RBP7: variants seen among roughly 807,000 people sequenced by gnomAD.
RBP7 encodes the protein retinoid-binding protein 7.
RBP7 carries 13 observed loss-of-function variants against 16.7 expected under a neutral mutation model. That is an observed-to-expected ratio of 0.78 (90% CI 0.51 to 1.24). RBP7 has a LOEUF of 1.24. RBP7 is among the 50% of genes most tolerant of loss of function. RBP7 has a pLI of 0.00. For missense variants in RBP7, 145 were observed against 159.5 expected (o/e 0.91, Z 0.49); for synonymous variants, 54 against 56.2 (o/e 0.96, Z 0.17).
At position 9,997,246 on chromosome 1, in the gene RBP7, G is replaced by C; in HGVS notation, c.-13G>C. On this transcript the variant is annotated 5_prime_UTR_variant, in exon 1 of 4. Coordinates refer to ENST00000294435, the MANE Select transcript of RBP7 (RefSeq NM_052960.3). The surrounding 1 kb of genome is among the most constrained non-coding windows in gnomAD (Gnocchi z 5.9). ...TCCGGCCGCCCGCCGGGTTTGTCCCGCGATCCCCGACCATGCCCGCCGACC... is the reference window on the plus strand; with the variant it reads ...TCCGGCCGCCCGCCGGGTTTGTCCCCCGATCCCCGACCATGCCCGCCGACC... The C allele has an allele frequency of 1.3e-5, 19 of 1,432,518 alleles. No individual in the cohort carries two copies. The highest frequency in any genetic ancestry group is 1.8e-5 in the Non-Finnish European group (19 of 1,069,908). The allele number at this position is 1,432,518 out of a possible 1,614,324, so 88.7% of individuals were successfully genotyped here. A position where few individuals can be genotyped will look rare whatever the true frequency, so the allele number is the denominator to read the frequency against.
intron 3 of RBP7, among the ~76,000 whole-genome samples, chr1:10,014,673 G>A (rs951955430): frequency 1.1e-4 from 16 of 151,948 alleles, no homozygotes; most frequent in Non-Finnish European, 2.2e-4. Flanking sequence ...AGGCATGTGC[G>A]CCCGGCCCCA....
At chr1:9,998,407 C>CTTTCTT (rs1553129444) in intron 1 of RBP7, among the ~76,000 whole-genome samples, 174 of 121,520 alleles carry the variant, frequency 1.4e-3, no homozygotes, top group East Asian at 2.9e-3. Flanking sequence ...TTCTTTCTTT[C>CTTTCTT]TTTTTTTTTT....
At chr1:10,014,147 A>G (rs765775840) in intron 3 of RBP7, among the ~76,000 whole-genome samples, 26 of 152,252 alleles carry the variant, frequency 1.7e-4, no homozygotes, top group Non-Finnish European at 3.2e-4. Flanking sequence ...CCCTGAGGGA[A>G]GAGGGGCTGG....
Position 9,997,777 on chromosome 1 carries a change from G to A in RBP7, c.73+446G>A, listed in dbSNP as rs916471453. Among the ~76,000 whole-genome samples the A allele has an allele frequency of 2.0e-5, 3 of 151,968 alleles. No individual in the cohort carries two copies. Among genetic ancestry groups the A allele is most frequent in the African/African-American group, 4.8e-5 (2 of 41,432 alleles). On this transcript the variant is annotated intron_variant, in intron 1 of 3. Transcript: ENST00000294435. This position sits in a 1 kb window ranked among gnomAD's most constrained non-coding sequence, Gnocchi z 5.9. ...AAGCCTCTGCCCGGCCACCCTCCCCGCAGCCGCCTTCCGTGCAGGCCCCGG... is the reference window on the plus strand; with the variant it reads ...AAGCCTCTGCCCGGCCACCCTCCCCACAGCCGCCTTCCGTGCAGGCCCCGG...
rs1434400446 is a variant in RBP7, at chr1:10,015,825, G to A, written c.398G>A (p.Arg133Lys). 1.2e-6 allele frequency: 2 copies of A among 1,613,948 alleles called. No homozygotes were observed. The highest frequency in any genetic ancestry group is 3.3e-5 in the Admixed American group (2 of 59,974). Residue 133 changes from arginine (R) to lysine (K), a missense_variant, in exon 4 of 4, where the codon AGA (arginine) becomes AAA (lysine). By Grantham distance (26) the Arg-to-Lys change is conservative. Transcript: ENST00000294435. ...CAAGTGTGCAAACAGACATTCCAGA[G>A]AGCCTGATCCACATCCAGCAGCAGA... ...EGQVCKQTFQ[R>K]A
chr1:10,014,958 A>G (rs1337355042), intron 3 of RBP7, among the ~76,000 whole-genome samples: 3 of 152,176 alleles, frequency 2.0e-5, no homozygotes, highest in Non-Finnish European at 4.4e-5. Context: ...CTTACTGGAC[A>G]CTTGGTTGGT....
chr1:10,007,589 TA>T lies in RBP7; in HGVS notation c.97del (p.Ile33Ter). On this transcript the variant is annotated frameshift_variant, in exon 2 of 4. Transcript: ENST00000294435. LOFTEE classifies it high-confidence loss of function. ...TTTAAGGTATTGACTTTGCCACTCGTAAAATAGCCAAGTTGCTGAAGCCACA... is the reference window on the plus strand; with the variant it reads ...TTTAAGGTATTGACTTTGCCACTCGTAAATAGCCAAGTTGCTGAAGCCACA... The part of the protein sequence containing the change: ...LALGIDFATR[K>X]IAKLLKPQKV... 6.2e-7 allele frequency: 1 copy of T among 1,610,264 alleles called. No individual in the cohort carries two copies. The highest frequency in any genetic ancestry group is 1.1e-5 in the South Asian group (1 of 89,888).
At chr1:10,012,152 G>A (rs1359152813) in intron 3 of RBP7, among the ~76,000 whole-genome samples, 4 of 149,760 alleles carry the variant, frequency 2.7e-5, no homozygotes, top group Admixed American at 2.0e-4. Flanking sequence ...AGGAGGTTAC[G>A]GTGAGCCGAG....
chr1:10,014,343 G>A (rs757937457), intron 3 of RBP7, among the ~76,000 whole-genome samples: 18 of 151,636 alleles, frequency 1.2e-4, no homozygotes, highest in African/African-American at 3.1e-4. Context: ...TGCCCTATGC[G>A]TCTCTTCCAT....
intron 1 of RBP7, among the ~76,000 whole-genome samples, chr1:10,001,484 T>C (rs1472953119): frequency 6.6e-6 from 1 of 152,090 alleles, no homozygotes; most frequent in Non-Finnish European, 1.5e-5. Context: ...TTTTCAATTT[T>C]TTTGTAGAGA....
intron 3 of RBP7, among the ~76,000 whole-genome samples, chr1:10,013,603 G>A (rs1235981533): frequency 2.0e-5 from 3 of 152,046 alleles, no homozygotes; most frequent in African/African-American, 7.2e-5. Context: ...GACGTTAGGA[G>A]TTGGAAACTA....
intron 1 of RBP7, among the ~76,000 whole-genome samples, chr1:10,002,011 A>G (rs149235547): frequency 1.1e-3 from 166 of 151,906 alleles, no homozygotes; most frequent in African/African-American, 3.5e-3. Flanking sequence ...TATTTTTAGT[A>G]CAGACAGGGT....
At chr1:10,005,127 C>T (rs931085490) in intron 1 of RBP7, among the ~76,000 whole-genome samples, 1 of 152,188 alleles carries the variant, frequency 6.6e-6, no homozygotes, top group Non-Finnish European at 1.5e-5. Context: ...GATTTAAACA[C>T]ACACACACAA....
intron 1 of RBP7, among the ~76,000 whole-genome samples, chr1:9,999,814 CTTTTTTTTT>C (rs70998341): frequency 0.35 from 37,058 of 106,434 alleles, 6,679 homozygotes; most frequent in African/African-American, 0.54. Context: ...CTGTAATACT[CTTTTTTTTT>C]TTTTTTTTTT....
Position 9,997,275 on chromosome 1 carries a change from G to A in RBP7, c.17G>A (p.Ser6Asn). 6.2e-7 allele frequency: 1 copy of A among 1,600,758 alleles called. No homozygotes were observed. Among genetic ancestry groups the A allele is most frequent in the Non-Finnish European group, 8.5e-7 (1 of 1,172,838 alleles). MPADL[S>N]GTWTLLSSDN... ...TCCCCGACCATGCCCGCCGACCTCA[G>A]CGGTACTTGGACCCTGCTCAGCAGC... Residue 6 changes from serine to asparagine, a missense_variant, in exon 1 of 4, where the codon AGC becomes AAC. Coordinates refer to ENST00000294435, the MANE Select transcript of RBP7 (RefSeq NM_052960.3). The surrounding 1 kb of genome is among the most constrained non-coding windows in gnomAD (Gnocchi z 5.9).
chr1:10,008,117 G>T (rs11578833), intron 2 of RBP7, 56 bp from the exon 3 acceptor site: 1 of 1,176,026 alleles, frequency 8.5e-7, no homozygotes, highest in Non-Finnish European at 1.3e-6. Context: ...ATTCTACTTC[G>T]TAACACTTGA....
chr1:9,997,236 G>C lies in RBP7; in HGVS notation c.-23G>C, dbSNP rs755940425. 9.5e-5 allele frequency: 151 copies of C among 1,584,176 alleles called. No individual in the cohort carries two copies. In the East Asian group the frequency reaches 3.4e-3, roughly 36 times the overall value. Reference sequence around the variant, plus strand: ...GGCCCGAGCCTCCGGCCGCCCGCCGGGTTTGTCCCGCGATCCCCGACCATG... The same window carrying C: ...GGCCCGAGCCTCCGGCCGCCCGCCGCGTTTGTCCCGCGATCCCCGACCATG... On this transcript the variant is annotated 5_prime_UTR_variant, in exon 1 of 4. Coordinates refer to ENST00000294435, the MANE Select transcript of RBP7 (RefSeq NM_052960.3). The surrounding 1 kb of genome is among the most constrained non-coding windows in gnomAD (Gnocchi z 5.9).
chr1:9,997,694 C>T lies in RBP7; in HGVS notation c.73+363C>T, dbSNP rs1209733326. Among the ~76,000 whole-genome samples the T allele has an allele frequency of 3.9e-5, 6 of 151,910 alleles. No homozygotes were observed. Among genetic ancestry groups the T allele is most frequent in the African/African-American group, 1.4e-4 (6 of 41,408 alleles). On this transcript the variant is annotated intron_variant, in intron 1 of 3. Coordinates refer to ENST00000294435, the MANE Select transcript of RBP7 (RefSeq NM_052960.3). The surrounding 1 kb of genome is among the most constrained non-coding windows in gnomAD (Gnocchi z 5.9). ...GCACGCGGCACACCTGCGGAGACTGCAGACTCGGGGTCCGGCCGGGGAGGG... is the reference window on the plus strand; with the variant it reads ...GCACGCGGCACACCTGCGGAGACTGTAGACTCGGGGTCCGGCCGGGGAGGG...
intron 1 of RBP7, among the ~76,000 whole-genome samples, chr1:10,006,758 T>G (rs1410869846): frequency 6.7e-5 from 10 of 148,664 alleles, no homozygotes; most frequent in African/African-American, 2.3e-4. Context: ...TGTGTATATA[T>G]ATATATAGAG....
Sources: gnomAD v4.1 joint callset for allele counts (sites outside exome capture counted in the v4.1 genomes callset) on GRCh38, gnomAD v4.1.1 for gene constraint, Gnocchi (gnomAD v3.1) non-coding constraint, MANE v1.5 for transcripts, NCBI Gene and HGNC (gene_info 2026-07-23, HGNC 2026-07-21) for gene names.